Variants in ADGRV1 observed in about 807,000 individuals in gnomAD.
ADGRV1 encodes the protein adhesion G protein-coupled receptor V1.
Under a neutral mutation model 596.2 loss-of-function variants are expected in ADGRV1, and 359 were observed. The ratio of observed to expected loss-of-function variants is 0.60; its 90% confidence interval spans 0.55 to 0.66. ADGRV1 has a LOEUF of 0.66. Among genes scored for constraint, ADGRV1 ranks in the 30% least tolerant of loss-of-function variants. The pLI, the probability that ADGRV1 is intolerant of heterozygous loss-of-function variation, is 0.00. For synonymous variants in ADGRV1, 2,681 were observed against 2,679.2 expected (o/e 1.00, Z -0.02); for missense variants, 7,274 against 7,575.6 (o/e 0.96, Z 1.48).
chr5:90,905,392 AC>A (rs1354269174), intron 83 of ADGRV1, among the ~76,000 whole-genome samples: 1 of 151,306 alleles, frequency 6.6e-6, no homozygotes, highest in African/African-American at 2.4e-5. Context: ...CATTTTTGGT[AC>A]CCCCTTCCAT....
chr5:90,864,875 G>A (rs1192147910), intron 83 of ADGRV1, among the ~76,000 whole-genome samples: 3 of 152,136 alleles, frequency 2.0e-5, no homozygotes, highest in Admixed American at 6.6e-5. Flanking sequence ...CTGGTCATAT[G>A]TGTGTATTGA....
chr5:90,706,506 T>G, intron 38 of ADGRV1, 112 bp downstream of exon 38: 1 of 900,056 alleles, frequency 1.1e-6, no homozygotes, highest in East Asian at 2.7e-5. Flanking sequence ...GTTACATATA[T>G]ATACATGTGC....
intron 86 of ADGRV1, among the ~76,000 whole-genome samples, chr5:91,085,944 TTC>T (rs946502010): frequency 3.3e-5 from 5 of 152,178 alleles, no homozygotes; most frequent in East Asian, 1.9e-4. Context: ...ACCTTGCTTA[TTC>T]TCTTTCTTTC....
At chr5:91,048,077 A>G (rs993299303) in intron 85 of ADGRV1, among the ~76,000 whole-genome samples, 2 of 151,972 alleles carry the variant, frequency 1.3e-5, no homozygotes, top group Admixed American at 1.3e-4. Context: ...GCCTCTTTAC[A>G]CTTCTGCTAA....
intron 39 of ADGRV1, among the ~76,000 whole-genome samples, chr5:90,709,805 A>G (rs1303832310): frequency 6.6e-6 from 1 of 152,246 alleles, no homozygotes; most frequent in African/African-American, 2.4e-5. Context: ...TATTCACACT[A>G]AGACAACTAA....
chr5:90,599,057 G>A (rs1761072749), intron 1 of ADGRV1, among the ~76,000 whole-genome samples: 1 of 152,090 alleles, frequency 6.6e-6, no homozygotes, highest in South Asian at 2.1e-4. Flanking sequence ...ATATGTGTAG[G>A]TAGTAGCTCA....
At chr5:91,160,287 A>G (rs1402427608) in intron 89 of ADGRV1, among the ~76,000 whole-genome samples, 1 of 152,228 alleles carries the variant, frequency 6.6e-6, no homozygotes, top group African/African-American at 2.4e-5. Context: ...TAACTTCAAG[A>G]ACTTATGCAG....
intron 43 of ADGRV1, chr5:90,718,118 T>C (rs1283959272): frequency 1.3e-5 from 2 of 152,182 alleles, no homozygotes; most frequent in Admixed American, 6.5e-5. Context: ...AAGGACAAAC[T>C]CTGTGCCCAT....
intron 85 of ADGRV1, among the ~76,000 whole-genome samples, chr5:91,013,669 C>T (rs1203658187): frequency 6.6e-6 from 1 of 151,980 alleles, no homozygotes; most frequent in Non-Finnish European, 1.5e-5. Context: ...TCTGTTTTCT[C>T]TGTTGATAGT....
At chr5:91,004,636 A>G (rs944693073) in intron 85 of ADGRV1, among the ~76,000 whole-genome samples, 29 of 152,216 alleles carry the variant, frequency 1.9e-4, no homozygotes, top group African/African-American at 6.3e-4. Context: ...ATGGTGAAAT[A>G]TAGACTGGAT....
rs1031663966 is a variant in ADGRV1, at chr5:91,094,043, G to A, written c.18311-8176G>A. 3.3e-5 allele frequency among the ~76,000 whole-genome samples: 5 copies of A among 151,852 alleles called. No homozygotes were observed. The East Asian group carries it at 9.9e-4, about 30-fold the overall frequency. On this transcript the variant is annotated intron_variant, in intron 86 of 89. Transcript: ENST00000405460. Reference sequence around the variant, plus strand: ...ATTTTTGTATTTTTAGTAGAGATGGGGTTTCGCCATGTTCGCCAGGACAGT... The same window carrying A: ...ATTTTTGTATTTTTAGTAGAGATGGAGTTTCGCCATGTTCGCCAGGACAGT...
chr5:90,712,462 C>A, intron 42 of ADGRV1, 34 bp downstream of exon 42: 3 of 1,499,850 alleles, frequency 2.0e-6, no homozygotes, highest in East Asian at 2.3e-5. Context: ...AGCTTCCTCT[C>A]CTTCATGCTG....
chr5:90,595,797 C>T (rs1412341315), intron 1 of ADGRV1, among the ~76,000 whole-genome samples: 2 of 145,244 alleles, frequency 1.4e-5, no homozygotes, highest in African/African-American at 5.1e-5. Context: ...GGCTGACCCC[C>T]CCACCTCCCT....
intron 83 of ADGRV1, among the ~76,000 whole-genome samples, chr5:90,878,330 G>A (rs1024157563): frequency 6.6e-6 from 1 of 152,272 alleles, no homozygotes; most frequent in African/African-American, 2.4e-5. Flanking sequence ...TATGTCTAAC[G>A]CACACTGCCT....
intron 87 of ADGRV1, among the ~76,000 whole-genome samples, chr5:91,110,050 A>G (rs563312863): frequency 6.6e-6 from 1 of 152,316 alleles, no homozygotes; most frequent in East Asian, 1.9e-4. Context: ...AAATGTCTCT[A>G]TATTGTCCAC....
At chr5:90,625,961 T>A (rs1192933024) in intron 6 of ADGRV1, 2 of 152,170 alleles carry the variant, frequency 1.3e-5, no homozygotes, top group Non-Finnish European at 2.9e-5. Flanking sequence ...ATATTTCACA[T>A]TGGAACTAGC....
chr5:91,060,805 TCAC>T (rs1787361298), intron 85 of ADGRV1, among the ~76,000 whole-genome samples: 1 of 152,244 alleles, frequency 6.6e-6, no homozygotes, highest in Non-Finnish European at 1.5e-5. Flanking sequence ...TTTGTAACTA[TCAC>T]ATAAAGCCAC....
intron 9 of ADGRV1, among the ~76,000 whole-genome samples, chr5:90,631,208 C>T (rs1018070459): frequency 5.9e-5 from 9 of 152,118 alleles, no homozygotes; most frequent in Non-Finnish European, 1.2e-4. Flanking sequence ...AATGATTTAT[C>T]TTTTAGATAA....
At chr5:90,844,480 G>A (rs1581294851) in intron 78 of ADGRV1, among the ~76,000 whole-genome samples, 1 of 152,074 alleles carries the variant, frequency 6.6e-6, no homozygotes, top group South Asian at 2.1e-4. Flanking sequence ...CCAGCTGTGG[G>A]TTCAGGCAAA....
Sources: gnomAD v4.1 joint callset for allele counts (sites outside exome capture counted in the v4.1 genomes callset) on GRCh38, gnomAD v4.1.1 for gene constraint, MANE v1.5 for transcripts, NCBI Gene and HGNC (gene_info 2026-07-23, HGNC 2026-07-21) for gene names.